ACLY: variants seen among roughly 807,000 people sequenced by gnomAD.
The protein encoded by ACLY is ATP-citrate synthase.
In ACLY, 41 loss-of-function variants were observed where a neutral mutation model predicts 133.0. That is an observed-to-expected ratio of 0.31 (90% CI 0.24 to 0.40). The LOEUF (loss-of-function observed/expected upper bound fraction) is 0.40, where lower values mean the gene tolerates loss of function less well. Among genes scored for constraint, ACLY ranks in the 10% least tolerant of loss-of-function variants. ACLY has a pLI of 1.00. For missense variants in ACLY, 1,046 were observed against 1,453.8 expected (o/e 0.72, Z 4.56); for synonymous variants, 495 against 549.3 (o/e 0.90, Z 1.38).
chr17:41,895,689 A>G (rs191421291), intron 14 of ACLY, among the ~76,000 whole-genome samples: 15 of 152,206 alleles, frequency 9.9e-5, no homozygotes, highest in African/African-American at 2.9e-4. Context: ...TGTTCTTTCC[A>G]CACTGGGCTC....
At chr17:41,914,016 C>T in intron 1 of ACLY, 120 bp from the exon 2 acceptor site, 1 of 985,016 alleles carries the variant, frequency 1.0e-6, no homozygotes, top group Middle Eastern at 3.1e-4. Flanking sequence ...CAGCTTTTCT[C>T]AAGAGGAAGG....
chr17:41,901,930 AG>A, intron 10 of ACLY, 117 bp from the exon 11 acceptor site: 1 of 778,254 alleles, frequency 1.3e-6, no homozygotes, highest in South Asian at 1.8e-5. Flanking sequence ...CAGGAAGCAC[AG>A]GACTACGCAT....
intron 1 of ACLY, among the ~76,000 whole-genome samples, chr17:41,924,144 T>A (rs1395211044): frequency 2.0e-5 from 3 of 150,090 alleles, no homozygotes; most frequent in South Asian, 4.2e-4. Flanking sequence ...TTTATTTATT[T>A]TTTATTTATT....
intron 7 of ACLY, among the ~76,000 whole-genome samples, chr17:41,907,212 G>T (rs1265059547): frequency 6.6e-6 from 1 of 152,146 alleles, no homozygotes; most frequent in East Asian, 1.9e-4. Flanking sequence ...GTGAAGAGTC[G>T]AGGGAGGCTG....
chr17:41,910,739 G>A (rs1439410826), intron 3 of ACLY, among the ~76,000 whole-genome samples: 1 of 152,168 alleles, frequency 6.6e-6, no homozygotes, highest in African/African-American at 2.4e-5. Flanking sequence ...GCTTAATCAG[G>A]GAAACTTCTC....
chr17:41,892,270 G>A lies in ACLY; in HGVS notation c.1770+9C>T. The A allele has an allele frequency of 4.6e-6, 5 of 1,078,514 alleles. No individual in the cohort carries two copies. The highest frequency in any genetic ancestry group is 6.5e-6 in the Non-Finnish European group (5 of 770,966). The allele number at this position is 1,078,514 out of a possible 1,614,324, so 66.8% of individuals were successfully genotyped here. On this transcript the variant is annotated intron_variant, in intron 16 of 28. Transcript: ENST00000352035. ...CCCACCCCCCACCCTCCAGAGCCCA[G>A]TGATCTACCTGGGCATAGTTCATGG...
At chr17:41,921,089 G>A (rs536225692), upstream of ACLY, among the ~76,000 whole-genome samples, 2 of 148,684 alleles carry the variant, frequency 1.3e-5, no homozygotes, top group Admixed American at 1.4e-4. Flanking sequence ...TCGCACCAGT[G>A]CACTCTAGCG....
intron 8 of ACLY, 142 bp downstream of exon 8, chr17:41,906,386 C>T: frequency 1.4e-6 from 1 of 694,586 alleles, no homozygotes. Flanking sequence ...ACCAACATCC[C>T]TCGAAGCCCT....
At chr17:41,918,947 CCAGCAGCCGGT>C (rs1460457146) in exon 1 of ACLY, 22 of 1,289,154 alleles carry the variant, frequency 1.7e-5, no homozygotes, top group Non-Finnish European at 2.0e-5. Flanking sequence ...CCGGAGCACC[CCAGCAGCCGGT>C]AGCTTCCCGG....
At chr17:41,883,279 T>A (rs782433881) in intron 19 of ACLY, 47 bp from the exon 20 acceptor site, 1 of 1,526,672 alleles carries the variant, frequency 6.6e-7, no homozygotes, top group Non-Finnish European at 9.0e-7. Context: ...GTGCAGCCCA[T>A]CCTGACGTAA....
At chr17:41,890,873 G>A (rs1555629121) in intron 16 of ACLY, among the ~76,000 whole-genome samples, 1 of 148,420 alleles carries the variant, frequency 6.7e-6, no homozygotes, top group Non-Finnish European at 1.5e-5. Context: ...AGGTGTGGTG[G>A]CATGTGCTTG....
chr17:41,873,202 A>G (rs1453182722), intron 23 of ACLY, among the ~76,000 whole-genome samples: 1 of 149,648 alleles, frequency 6.7e-6, no homozygotes, highest in Admixed American at 6.6e-5. Context: ...TTGAGACGGA[A>G]TATTTTTGCT....
In ACLY at chr17:41,906,517, C is replaced by T. The variant is rs985911928; in HGVS notation, c.866+11G>A. On this transcript the variant is annotated intron_variant, in intron 8 of 28. Transcript: ENST00000352035. Reference sequence around the variant, plus strand: ...TGGGCTGGCATCCCTTCAGCAACCCCCTTCGGTCACCTGTACACGACAGAG... The same window carrying T: ...TGGGCTGGCATCCCTTCAGCAACCCTCTTCGGTCACCTGTACACGACAGAG... 2.5e-6 allele frequency: 4 copies of T among 1,612,742 alleles called. No homozygotes were observed. The highest frequency in any genetic ancestry group is 3.4e-6 in the Non-Finnish European group (4 of 1,178,912).
chr17:41,884,465 G>A (rs2048998578), intron 18 of ACLY, among the ~76,000 whole-genome samples, 191 bp from the exon 19 acceptor site: 1 of 152,206 alleles, frequency 6.6e-6, no homozygotes. Flanking sequence ...AGAAGAAAGA[G>A]GGAAGGAGTT....
At chr17:41,880,746 A>G (rs1555627167) in intron 20 of ACLY, among the ~76,000 whole-genome samples, 1 of 152,002 alleles carries the variant, frequency 6.6e-6, no homozygotes. Flanking sequence ...GGCGTCTGTA[A>G]TCCCAACTAC....
chr17:41,886,201 T>C lies in ACLY; in HGVS notation c.1983A>G (p.Ser661=). 1.2e-6 allele frequency: 2 copies of C among 1,613,044 alleles called. No homozygotes were observed. Among genetic ancestry groups the C allele is most frequent in the South Asian group, 2.2e-5 (2 of 91,044 alleles). Reference sequence around the variant, plus strand: ...GCTCGTTGGACATGCCTCCGGAACGTGAGACATAGGCCACGCTGCCTGGGC... The same window carrying C: ...GCTCGTTGGACATGCCTCCGGAACGCGAGACATAGGCCACGCTGCCTGGGC... ...LYRPGSVAYV[S]RSGGMSNELN... is the part of the protein sequence containing the mutation. Residue 661 remains serine, a synonymous_variant, in exon 18 of 29, where the codon TCA becomes TCG. Coordinates refer to ENST00000352035, the MANE Select transcript of ACLY (RefSeq NM_001096.3).
chr17:41,920,128 G>A (rs2050159322), upstream of ACLY, among the ~76,000 whole-genome samples: 2 of 152,206 alleles, frequency 1.3e-5, no homozygotes, highest in South Asian at 4.1e-4. Context: ...TGCGACATTT[G>A]CAGACAAAAT....
In ACLY at chr17:41,927,659, C is replaced by G. The variant is rs369415051; in HGVS notation, c.-28+2699G>C. Among the ~76,000 whole-genome samples the G allele has an allele frequency of 4.6e-5, 7 of 152,218 alleles. No individual in the cohort carries two copies. The East Asian group carries it at 1.4e-3, about 29-fold the overall frequency. On this transcript the variant is annotated intron_variant, in intron 1 of 3. Coordinates refer to the ACLY transcript ENST00000592970. ...TGGCTAACACAGTGAAACCCTGTCT[C>G]TACCAAAAATATGAAAATTAGCCGG...
At chr17:41,876,105 C>T (rs1178081432) in intron 22 of ACLY, among the ~76,000 whole-genome samples, 1 of 150,962 alleles carries the variant, frequency 6.6e-6, no homozygotes, top group African/African-American at 2.4e-5. Flanking sequence ...TGGCAACCGC[C>T]CCGTCTGAGA....
Sources: gnomAD v4.1 joint callset for allele counts (sites outside exome capture counted in the v4.1 genomes callset) on GRCh38, gnomAD v4.1.1 for gene constraint, MANE v1.5 for transcripts, NCBI Gene and HGNC (gene_info 2026-07-23, HGNC 2026-07-21) for gene names.